The following WFDC10B variants were observed in gnomAD, a reference collection of about 807,000 sequenced individuals.
WFDC10B encodes the protein WAP four-disulfide core domain 10B, also known as protein WFDC10B.
A neutral mutation model predicts 2.7 loss-of-function variants in WFDC10B; 1 was observed. The ratio of observed to expected loss-of-function variants is 0.38; its 90% CI spans 0.13 to 1.79. WFDC10B has a LOEUF of 1.79. Among genes scored for constraint, WFDC10B ranks in the 40% most tolerant of loss-of-function variants. The pLI is 0.33. For missense variants in WFDC10B, 71 were observed against 87.8 expected, an observed-to-expected ratio of 0.81 and a Z score of 0.76; for synonymous variants, 26 against 32.2, an observed-to-expected ratio of 0.81 and a Z score of 0.65.
chr20:45,686,487 T>C (rs1007714994), intron 2 of WFDC10B, among the ~76,000 whole-genome samples: 2 of 151,812 alleles, frequency 1.3e-5, no homozygotes, highest in African/African-American at 4.8e-5. Flanking sequence ...TATTTAGTCA[T>C]GCAAATATTT....
At chr20:45,691,040 T>C (rs1185730131) in intron 2 of WFDC10B, among the ~76,000 whole-genome samples, 1 of 152,224 alleles carries the variant, frequency 6.6e-6, no homozygotes, top group Non-Finnish European at 1.5e-5. Flanking sequence ...GTTGTGTCTT[T>C]GTTCTGATTG....
intron 2 of WFDC10B, among the ~76,000 whole-genome samples, chr20:45,694,179 T>C (rs369664321): frequency 8.5e-5 from 13 of 152,350 alleles, no homozygotes; most frequent in African/African-American, 2.9e-4. Flanking sequence ...CAATTGCTTT[T>C]GGTGATTTTG....
At chr20:45,695,095 T>G (rs1248418527) in intron 2 of WFDC10B, among the ~76,000 whole-genome samples, 1 of 152,204 alleles carries the variant, frequency 6.6e-6, no homozygotes. Flanking sequence ...TTCTGTGAGC[T>G]GTTTCAGCAA....
At chr20:45,696,110 C>T (rs183284422) in intron 2 of WFDC10B, among the ~76,000 whole-genome samples, 70 of 151,498 alleles carry the variant, frequency 4.6e-4, no homozygotes, top group African/African-American at 1.6e-3. Flanking sequence ...CACAGTGAAA[C>T]CCCACCTCTA....
At chr20:45,694,768 G>A (rs1026875339) in intron 2 of WFDC10B, among the ~76,000 whole-genome samples, 4 of 152,138 alleles carry the variant, frequency 2.6e-5, no homozygotes, top group African/African-American at 4.8e-5. Flanking sequence ...GGGGCCCCTA[G>A]GTAGCCTCAG....
chr20:45,702,276 T>C, intron 2 of WFDC10B: 2 of 1,488,122 alleles, frequency 1.3e-6, no homozygotes, highest in Non-Finnish European at 1.8e-6. Flanking sequence ...ATCTGAGGGC[T>C]GACAGTCTGT....
intron 2 of WFDC10B, among the ~76,000 whole-genome samples, chr20:45,694,540 A>G (rs949106986): frequency 6.6e-6 from 1 of 152,240 alleles, no homozygotes; most frequent in South Asian, 2.1e-4. Context: ...TGAAGCAAAC[A>G]CCACAGGATT....
At chr20:45,697,842 C>A (rs1019485288) in intron 2 of WFDC10B, among the ~76,000 whole-genome samples, 1 of 149,940 alleles carries the variant, frequency 6.7e-6, no homozygotes, top group Non-Finnish European at 1.5e-5. Flanking sequence ...CTCCCAGGTT[C>A]AAGCAATTCT....
Position 45,684,845 on chromosome 20 carries a change from A to G in WFDC10B, c.207T>C (p.Cys69=). The change falls in exon 4 of 4, where the codon TGT becomes TGC. Residue 69 remains cysteine (C), a synonymous_variant. Coordinates refer to ENST00000330523, the MANE Select transcript of WFDC10B (RefSeq NM_172006.2). ...ICCSAFCGNI[C]MSIL is the part of the protein sequence containing the mutation. ...ACTCTCCCACTCATAGGATGCTCATACAAATGTTCCCACAGAAGGCTGAAC... is the reference window on the plus strand; with the variant it reads ...ACTCTCCCACTCATAGGATGCTCATGCAAATGTTCCCACAGAAGGCTGAAC... The G allele has an allele frequency of 6.2e-7, 1 of 1,613,982 alleles. No homozygotes were observed. The highest frequency in any genetic ancestry group is 1.1e-5 in the South Asian group (1 of 91,068).
chr20:45,704,745 G>A lies in WFDC10B; in HGVS notation c.-130+173C>T. On this transcript the variant is annotated intron_variant, in intron 1 of 3. Transcript: ENST00000330523. ...CAACATGCCCCTTCTCTTGACCAAG[G>A]ATAATTTCCATAAAAGTCCTGATTA... 4.3e-6 allele frequency: 6 copies of A among 1,390,974 alleles called. No individual in the cohort carries two copies. The South Asian group carries it at 6.8e-5, about 16-fold the overall frequency. The allele number at this position is 1,390,974 out of a possible 1,614,324, so 86.2% of individuals were successfully genotyped here. A position where few individuals can be genotyped will look rare whatever the true frequency, so the allele number is the denominator to read the frequency against.
chr20:45,693,538 G>A lies in WFDC10B; in HGVS notation c.-64-7482C>T, dbSNP rs186807752. On this transcript the variant is annotated intron_variant, in intron 2 of 3. Transcript: ENST00000330523. ...TAAGCAAGCCTGTGCAATGGTGGGC[G>A]CCCCTCCCCCAGCCTTGCTGCCGCC... is the stretch of plus-strand genomic sequence containing the variant. Among the ~76,000 whole-genome samples the A allele has an allele frequency of 1.4e-3, 213 of 152,244 alleles. 1 individual carries two copies. The highest frequency in any genetic ancestry group is 4.7e-3 in the African/African-American group (194 of 41,556).
intron 2 of WFDC10B, among the ~76,000 whole-genome samples, chr20:45,687,775 T>C (rs1035855166): frequency 6.6e-6 from 1 of 152,206 alleles, no homozygotes; most frequent in Admixed American, 6.5e-5. Context: ...TTTTTTCATG[T>C]TTATCGGCTG....
Position 45,691,506 on chromosome 20 carries a change from T to C in WFDC10B, c.-64-5450A>G, listed in dbSNP as rs1230326091. Among the ~76,000 whole-genome samples the C allele has an allele frequency of 5.3e-5, 8 of 151,302 alleles. No individual in the cohort carries two copies. The East Asian group carries it at 1.2e-3, about 22-fold the overall frequency. ...TGTAGGTCACTCAGGACTTGCTTTA[T>C]GAATCTGGGTGCTCCTGTATTGGGC... On this transcript the variant is annotated intron_variant, in intron 2 of 3. Coordinates refer to ENST00000330523, the MANE Select transcript of WFDC10B (RefSeq NM_172006.2).
At chr20:45,689,836 C>T (rs1338097904) in intron 2 of WFDC10B, among the ~76,000 whole-genome samples, 3 of 152,144 alleles carry the variant, frequency 2.0e-5, no homozygotes, top group Non-Finnish European at 4.4e-5. Context: ...ACTTTATTTC[C>T]TTCTCCTGCC....
chr20:45,698,931 G>T (rs1984058641), intron 2 of WFDC10B, among the ~76,000 whole-genome samples: 1 of 141,264 alleles, frequency 7.1e-6, no homozygotes, highest in African/African-American at 2.7e-5. Context: ...TCACACCACT[G>T]CACTCCAGCC....
chr20:45,684,983 T>G (rs13038267), intron 3 of WFDC10B, 23 bp from the exon 4 acceptor site: 1 of 1,613,186 alleles, frequency 6.2e-7, no homozygotes. Flanking sequence ...AGGAGCAGGG[T>G]CAATGAAACC....
At chr20:45,687,182 TG>T (rs1001861492) in intron 2 of WFDC10B, among the ~76,000 whole-genome samples, 4 of 152,094 alleles carry the variant, frequency 2.6e-5, no homozygotes, top group African/African-American at 9.7e-5. Flanking sequence ...CAAGGTGTGT[TG>T]TTTACCTCCC....
At chr20:45,704,372 T>C in intron 2 of WFDC10B, 125 bp downstream of exon 2, 1 of 1,537,850 alleles carries the variant, frequency 6.5e-7, no homozygotes, top group East Asian at 2.3e-5. Context: ...GGCAGTTCCC[T>C]GGGCTTTCTG....
At chr20:45,695,154 G>A (rs530867373) in intron 2 of WFDC10B, among the ~76,000 whole-genome samples, 53 of 152,302 alleles carry the variant, frequency 3.5e-4, no homozygotes, top group Admixed American at 9.8e-4. Context: ...TTTATAGCCA[G>A]TAGATCAAAA....
Sources: allele counts gnomAD v4.1 joint callset (sites outside exome capture counted in the v4.1 genomes callset), GRCh38; gene constraint gnomAD v4.1.1; transcripts MANE v1.5; gene names NCBI Gene and HGNC (gene_info 2026-07-23, HGNC 2026-07-21).